MTAP: variants seen among roughly 807,000 people sequenced by gnomAD.
MTAP encodes methylthioadenosine phosphorylase.
Under a neutral mutation model 33.6 loss-of-function variants are expected in MTAP, and 33 were observed. The ratio of observed to expected loss-of-function variants is 0.98; its 90% CI spans 0.74 to 1.31. The LOEUF is 1.31. Among genes scored for constraint, MTAP ranks in the 40% most tolerant of loss-of-function variants. The probability of loss-of-function intolerance (pLI) is 0.00; values close to 1 mark genes in which losing one functional copy is unlikely to be tolerated. For missense variants in MTAP, 367 were observed against 360.0 expected (o/e 1.02, Z -0.16); for synonymous variants, 148 against 125.7 (o/e 1.18, Z -1.19).
At chr9:21,874,816 T>C (rs1033939034) in intron 1 of MTAP, among the ~76,000 whole-genome samples, 2 of 151,964 alleles carry the variant, frequency 1.3e-5, no homozygotes, top group African/African-American at 4.8e-5. Context: ...TCATCTACAT[T>C]AGGTATTTTT....
At chr9:21,932,734 A>C (rs1818982702), downstream of MTAP, 1 of 152,228 alleles carries the variant, frequency 6.6e-6, no homozygotes, top group Admixed American at 6.5e-5. Flanking sequence ...TGATTTGAGC[A>C]ATAATAAAAT....
chr9:21,848,499 A>T (rs1038748389), intron 5 of MTAP, among the ~76,000 whole-genome samples: 2 of 152,016 alleles, frequency 1.3e-5, no homozygotes, highest in South Asian at 4.2e-4. Flanking sequence ...CTAATTATTT[A>T]CTTGCTTGGT....
At chr9:21,885,414 G>T (rs187932366) in intron 1 of MTAP, among the ~76,000 whole-genome samples, 7 of 152,070 alleles carry the variant, frequency 4.6e-5, no homozygotes, top group African/African-American at 1.7e-4. Context: ...GTCTGGGGTG[G>T]GGCCCAATAA....
intron 1 of MTAP, among the ~76,000 whole-genome samples, chr9:21,908,328 G>T (rs1364451209): frequency 6.6e-6 from 1 of 152,090 alleles, no homozygotes; most frequent in Non-Finnish European, 1.5e-5. Flanking sequence ...AAATAGTGTT[G>T]TATGGTATGG....
At chr9:21,823,669 A>G (rs949890520) in intron 4 of MTAP, among the ~76,000 whole-genome samples, 10 of 152,128 alleles carry the variant, frequency 6.6e-5, no homozygotes, top group Middle Eastern at 3.4e-3. Flanking sequence ...GCCTTGCTAG[A>G]TTGGGGAAGT....
At position 21,925,270 on chromosome 9, in the gene MTAP, C is replaced by A. The variant is rs1473996127; in HGVS notation, c.148-5738C>A. Among the ~76,000 whole-genome samples, 3 of 152,314 alleles carry A rather than the reference C, an allele frequency of 2.0e-5. No individual in the cohort carries two copies. The East Asian group carries it at 5.8e-4, about 29-fold the overall frequency. The stretch of plus-strand genomic sequence containing the variant: ...GGCTACAAGAGGCCCTGGTGAAACA[C>A]ACTAACCTAGACCCAGAGACATCAC... On this transcript the variant is annotated intron_variant, in intron 1 of 1. Transcript: ENST00000577563.
Position 21,862,857 on chromosome 9 carries a change from C to G in MTAP, c.*843C>G. The G allele has an allele frequency of 1.4e-6, 1 of 734,268 alleles. No individual in the cohort carries two copies. Among genetic ancestry groups the G allele is most frequent in the Non-Finnish European group, 1.7e-6 (1 of 602,306 alleles). 45.5% of individuals were successfully genotyped at this position (734,268 alleles called of 1,614,324 possible). On this transcript the variant is annotated 3_prime_UTR_variant, in exon 8 of 8. Transcript: ENST00000644715. Reference sequence around the variant, plus strand: ...GGGATACTGGGATAATTTTTATTTTCTTTGAATCTTTCTGTGTCTTCACAT... The same window carrying G: ...GGGATACTGGGATAATTTTTATTTTGTTTGAATCTTTCTGTGTCTTCACAT...
At position 21,815,442 on chromosome 9, in the gene MTAP, A is replaced by G. The variant is rs766195453; in HGVS notation, c.43A>G (p.Ile15Val). ...TTTTAVKIGI[I>V]GGTGLDDPEI... ...TCTTTTTCTCTCTTAGATTGGAATA[A>G]TTGGTGGAACAGGCCTGGATGATCC... The change falls in exon 2 of 8, where the codon ATT (isoleucine) becomes GTT (valine). Residue 15 changes from isoleucine to valine, a missense_variant. Transcript: ENST00000644715. The G allele has an allele frequency of 6.3e-7, 1 of 1,598,438 alleles. No individual in the cohort carries two copies. The highest frequency in any genetic ancestry group is 1.1e-5 in the South Asian group (1 of 87,698).
chr9:21,809,892 C>T (rs1652882452), intron 1 of MTAP, among the ~76,000 whole-genome samples: 1 of 152,194 alleles, frequency 6.6e-6, no homozygotes, highest in African/African-American at 2.4e-5. Flanking sequence ...ACAAAGTATG[C>T]ATTAGGGAGA....
At chr9:21,935,420 G>T (rs751348199), downstream of MTAP, 1 of 147,058 alleles carries the variant, frequency 6.8e-6, no homozygotes, top group Non-Finnish European at 1.5e-5. Context: ...AGTTACAAGC[G>T]GTTTTTTTTT....
intron 4 of MTAP, among the ~76,000 whole-genome samples, chr9:21,825,280 A>G (rs1257404740): frequency 6.6e-6 from 1 of 152,128 alleles, no homozygotes; most frequent in Non-Finnish European, 1.5e-5. Context: ...TCATCTGTTG[A>G]TGGACGTTTA....
At chr9:21,819,696 G>C (rs903501969) in intron 4 of MTAP, among the ~76,000 whole-genome samples, 5 of 152,172 alleles carry the variant, frequency 3.3e-5, no homozygotes, top group Non-Finnish European at 5.9e-5. Context: ...TCTAGTTCTA[G>C]ATCCATGAGA....
At chr9:21,868,654 C>G (rs1321425546), downstream of MTAP, among the ~76,000 whole-genome samples, 2 of 152,064 alleles carry the variant, frequency 1.3e-5, no homozygotes, top group African/African-American at 4.8e-5. Context: ...CCTTCATCAG[C>G]TCTCCCAAAC....
At chr9:21,938,519 T>C (rs1030011684), downstream of MTAP, among the ~76,000 whole-genome samples, 3 of 152,158 alleles carry the variant, frequency 2.0e-5, no homozygotes, top group South Asian at 4.1e-4. Flanking sequence ...ATAAGGGTGA[T>C]GTTTAACCTT....
At chr9:21,856,078 T>C in intron 6 of MTAP, 1 of 813,228 alleles carries the variant, frequency 1.2e-6, no homozygotes, top group Non-Finnish European at 1.5e-6. Flanking sequence ...TTTTCACCTC[T>C]TTCTCTTTTT....
intron 1 of MTAP, among the ~76,000 whole-genome samples, chr9:21,814,090 G>C (rs566439036): frequency 2.5e-4 from 38 of 152,292 alleles, no homozygotes; most frequent in Non-Finnish European, 4.6e-4. Flanking sequence ...TAAGGAAATT[G>C]TGGTGGACAG....
intron 5 of MTAP, among the ~76,000 whole-genome samples, chr9:21,846,798 C>T (rs1189412488): frequency 6.6e-6 from 1 of 152,216 alleles, no homozygotes; most frequent in East Asian, 1.9e-4. Context: ...TATAGCAGCA[C>T]AACTTACAAT....
At position 21,802,762 on chromosome 9, in the gene MTAP, C is replaced by T. The variant is rs1376703539; in HGVS notation, c.14C>T (p.Thr5Ile). Reference sequence around the variant, plus strand: ...TCCCGTGCAGACATGGCCTCTGGCACCACCACCACCGCCGTGAAGGTGAGA... The same window carrying T: ...TCCCGTGCAGACATGGCCTCTGGCATCACCACCACCGCCGTGAAGGTGAGA... MASG[T>I]TTTAVKIGII... is the part of the protein sequence containing the mutation. The change falls in exon 1 of 8, where the codon ACC becomes ATC. Residue 5 changes from threonine to isoleucine, a missense_variant. Transcript: ENST00000644715. 7 of 1,612,530 alleles carry T rather than the reference C, an allele frequency of 4.3e-6. No homozygotes were observed. In the African/African-American group the frequency reaches 5.3e-5, roughly 12 times the overall value.
chr9:21,892,586 T>C (rs1349949884), intron 1 of MTAP: 2 of 152,240 alleles, frequency 1.3e-5, no homozygotes, highest in Non-Finnish European at 2.9e-5. Flanking sequence ...TAAATATATA[T>C]GCAGCCAATA....
Sources: gnomAD v4.1 joint callset for allele counts (sites outside exome capture counted in the v4.1 genomes callset) on GRCh38, gnomAD v4.1.1 for gene constraint, MANE v1.5 for transcripts, NCBI Gene and HGNC (gene_info 2026-07-23, HGNC 2026-07-21) for gene names.